The following DPP6 variants were observed in gnomAD, a reference collection of about 807,000 sequenced individuals.
DPP6 encodes dipeptidyl peptidase like 6.
A neutral mutation model predicts 122.6 loss-of-function variants in DPP6; 69 were observed. The ratio of observed to expected loss-of-function variants is 0.56; its 90% CI spans 0.46 to 0.69. The LOEUF (loss-of-function observed/expected upper bound fraction) is 0.69. Among genes scored for constraint, DPP6 ranks in the 30% least tolerant of loss-of-function variants. DPP6 has a pLI of 0.00. For synonymous variants in DPP6, 418 were observed against 433.1 expected (o/e 0.97, Z 0.43); for missense variants, 928 against 1,116.9 (o/e 0.83, Z 2.41).
At chr7:153,877,870 A>G in the DPP6 span, among the ~76,000 whole-genome samples, 3 of 150,416 alleles carry the variant, frequency 2.0e-5, no homozygotes, top group African/African-American at 4.9e-5. Context: ...TTAACTGACA[A>G]AGGACTCATA....
chr7:154,698,527 T>TA (rs398112051), intron 7 of DPP6, among the ~76,000 whole-genome samples: 1 of 152,220 alleles, frequency 6.6e-6, no homozygotes, highest in African/African-American at 2.4e-5. Flanking sequence ...TATGATTTTT[T>TA]AAAAAGATCT....
chr7:154,803,885 A>C lies in DPP6; in HGVS notation c.1429A>C (p.Ile477Leu), dbSNP rs1261268622. The C allele has an allele frequency of 6.2e-7, 1 of 1,613,884 alleles. No homozygotes were observed. Among genetic ancestry groups the C allele is most frequent in the East Asian group, 2.2e-5 (1 of 44,870 alleles). Residue 477 changes from isoleucine to leucine, a missense_variant, in exon 14 of 26, where the codon ATC becomes CTC. By Grantham distance (5) the Ile-to-Leu change is conservative. Transcript: ENST00000377770. ...SSQPNSSNDNIQSITSGDWDV... is the reference protein window; with the variant it reads ...SSQPNSSNDNLQSITSGDWDV... ...TCAGCCCAACAGCAGCAACGACAAC[A>C]TCCAGTCCATCACCTCCGGGGACTG...
chr7:154,148,059 G>A (rs553864023), intron 1 of DPP6, among the ~76,000 whole-genome samples: 192 of 147,218 alleles, frequency 1.3e-3, no homozygotes, highest in African/African-American at 4.9e-3. Context: ...GAGCCAGAGC[G>A]GACCGTGAAG....
intron 17 of DPP6, among the ~76,000 whole-genome samples, chr7:154,867,564 A>T (rs1458147054): frequency 6.6e-6 from 1 of 152,252 alleles, no homozygotes; most frequent in Non-Finnish European, 1.5e-5. Flanking sequence ...ACATTTAATA[A>T]AGATGATACC....
At chr7:154,530,142 A>G (rs538412635) in intron 3 of DPP6, among the ~76,000 whole-genome samples, 2 of 152,030 alleles carry the variant, frequency 1.3e-5, no homozygotes, top group South Asian at 4.1e-4. Flanking sequence ...AAAAAAAAAG[A>G]AAAAGAAAAA....
Position 154,063,502 on chromosome 7 carries a change from T to C in DPP6, c.243+10439T>C, listed in dbSNP as rs573301018. On this transcript the variant is annotated intron_variant, in intron 1 of 25. Coordinates refer to ENST00000377770, the MANE Select transcript of DPP6 (RefSeq NM_130797.4). ...CCATTCCCTCTTCCCCCCCTGGCTC[T>C]TAAGACCCCCATCGCAGGAGGGGGA... 4.7e-4 allele frequency among the ~76,000 whole-genome samples: 60 copies of C among 128,524 alleles called. 9 individuals carry two copies. Among genetic ancestry groups the C allele is most frequent in the Non-Finnish European group, 6.5e-4 (38 of 58,832 alleles). The allele number at this position is 128,524 out of a possible 152,430, so 84.3% of individuals were successfully genotyped here. A position where few individuals can be genotyped will look rare whatever the true frequency, so the allele number is the denominator to read the frequency against.
At chr7:154,879,351 C>T (rs549673953) in intron 20 of DPP6, among the ~76,000 whole-genome samples, 1,479 of 96,936 alleles carry the variant, frequency 0.015, 188 homozygotes, top group Admixed American at 0.03. Flanking sequence ...GAGGCCGAGG[C>T]GGGCGGATCA....
chr7:154,061,715 C>T (rs1363817991), intron 1 of DPP6, among the ~76,000 whole-genome samples: 18 of 85,542 alleles, frequency 2.1e-4, no homozygotes, highest in South Asian at 3.8e-4. Context: ...AGGCAATCCC[C>T]GCGAGGCGGG....
intron 3 of DPP6, among the ~76,000 whole-genome samples, chr7:154,495,500 A>G (rs139463344): frequency 0.056 from 8,532 of 151,690 alleles, 786 homozygotes; most frequent in African/African-American, 0.19. Context: ...AACAATTCTC[A>G]TGCCTCAGCC....
At chr7:154,728,545 G>T (rs1304743513) in intron 8 of DPP6, among the ~76,000 whole-genome samples, 1 of 152,210 alleles carries the variant, frequency 6.6e-6, no homozygotes, top group Admixed American at 6.5e-5. Context: ...GGTATTGATT[G>T]CTATTAGCTG....
chr7:154,490,405 C>A (rs1287923667), intron 3 of DPP6, among the ~76,000 whole-genome samples: 7 of 152,218 alleles, frequency 4.6e-5, no homozygotes, highest in Admixed American at 6.5e-5. Flanking sequence ...CAGTCTTTTG[C>A]AAGCCAGGCA....
chr7:153,854,003 A>G, the DPP6 span, among the ~76,000 whole-genome samples: 1 of 147,962 alleles, frequency 6.8e-6, no homozygotes, highest in Non-Finnish European at 1.5e-5. Context: ...TCTTTAATCC[A>G]TCTTGAATTG....
intron 7 of DPP6, among the ~76,000 whole-genome samples, chr7:154,708,846 G>A (rs1014930210): frequency 6.6e-6 from 1 of 152,076 alleles, no homozygotes; most frequent in Non-Finnish European, 1.5e-5. Context: ...TCAGGAGTTC[G>A]AGACCAGCCT....
In DPP6 at chr7:154,365,301, T is replaced by C. The variant is rs1195974923; in HGVS notation, c.244-80913T>C. Among the ~76,000 whole-genome samples, 5 of 152,322 alleles carry C rather than the reference T, an allele frequency of 3.3e-5. No homozygotes were observed. The East Asian group carries it at 7.7e-4, about 23-fold the overall frequency. Reference sequence around the variant, plus strand: ...GTAGAAATTAGACAAAAATAAACTTTATAGCACTAGAACCAATTTTAATGA... The same window carrying C: ...GTAGAAATTAGACAAAAATAAACTTCATAGCACTAGAACCAATTTTAATGA... On this transcript the variant is annotated intron_variant, in intron 1 of 25. Coordinates refer to ENST00000377770, the MANE Select transcript of DPP6 (RefSeq NM_130797.4).
In DPP6 at chr7:154,061,932, G is replaced by A. The variant is rs1230761391; in HGVS notation, c.243+8869G>A. Among the ~76,000 whole-genome samples the A allele has an allele frequency of 2.0e-4, 25 of 122,414 alleles. 2 individuals carry two copies. Among genetic ancestry groups the A allele is most frequent in the South Asian group, 9.0e-4 (3 of 3,342 alleles). 80.3% of individuals were successfully genotyped at this position (122,414 alleles called of 152,430 possible). On this transcript the variant is annotated intron_variant, in intron 1 of 25. Coordinates refer to ENST00000377770, the MANE Select transcript of DPP6 (RefSeq NM_130797.4). ...CCCCCTGGCTCTGAGGACCCCCATC[G>A]CAGGAGGGGGAGGCAACCCTGCGAG...
rs28734130 is a variant in DPP6, at chr7:154,794,534, G to A, written c.1260+332G>A. On this transcript the variant is annotated intron_variant, in intron 11 of 25. Coordinates refer to ENST00000377770, the MANE Select transcript of DPP6 (RefSeq NM_130797.4). ...GACCTAAGTGAGCGTCCTCCTCGTT[G>A]CAGCTGATGCTCAGAGAGGAGGGGC... Among the ~76,000 whole-genome samples the A allele has an allele frequency of 0.094, 14,352 of 152,230 alleles. 938 individuals carry two copies. The highest frequency in any genetic ancestry group is 0.18 in the African/African-American group (7,472 of 41,518).
chr7:154,883,304 C>A (rs1469499749), intron 21 of DPP6, among the ~76,000 whole-genome samples: 5 of 136,446 alleles, frequency 3.7e-5, no homozygotes, highest in Admixed American at 7.4e-5. Flanking sequence ...ACATGCTCAC[C>A]CATACACCTG....
intron 1 of DPP6, among the ~76,000 whole-genome samples, chr7:154,059,989 T>G (rs1442927014): frequency 2.0e-5 from 3 of 151,694 alleles, no homozygotes; most frequent in Non-Finnish European, 4.4e-5. Context: ...TCTTCCCCCC[T>G]GGCTGTTGGG....
intron 1 of DPP6, among the ~76,000 whole-genome samples, chr7:154,242,902 A>G (rs1416960152): frequency 2.0e-5 from 3 of 152,344 alleles, no homozygotes; most frequent in African/African-American, 4.8e-5. Context: ...CATTATTGCT[A>G]TGCACCACCA....
Sources: allele counts gnomAD v4.1 joint callset (sites outside exome capture counted in the v4.1 genomes callset), GRCh38; gene constraint gnomAD v4.1.1; transcripts MANE v1.5; gene names NCBI Gene and HGNC (gene_info 2026-07-23, HGNC 2026-07-21).